MAML2: variants seen among roughly 807,000 people sequenced by gnomAD.
MAML2 encodes the protein mastermind-like protein 2.
In MAML2, 22 loss-of-function variants were observed where a neutral mutation model predicts 96.1. The ratio of observed to expected loss-of-function variants is 0.23; its 90% CI spans 0.16 to 0.33. The LOEUF (loss-of-function observed/expected upper bound fraction) is 0.33, where lower values mean the gene tolerates loss of function less well. Among genes scored for constraint, MAML2 ranks in the 10% least tolerant of loss-of-function variants. MAML2 has a pLI of 1.00. For missense variants in MAML2, 1,367 were observed against 1,392.4 expected (o/e 0.98, Z 0.29); for synonymous variants, 561 against 521.3 (o/e 1.08, Z -1.04).
At chr11:96,043,062 G>A (rs1858842203) in intron 2 of MAML2, among the ~76,000 whole-genome samples, 1 of 152,104 alleles carries the variant, frequency 6.6e-6, no homozygotes, top group Non-Finnish European at 1.5e-5. Context: ...ACATTCTCTT[G>A]TCTGGGTACC....
intron 1 of MAML2, among the ~76,000 whole-genome samples, chr11:96,178,437 CT>C (rs1340861998): frequency 2.0e-5 from 3 of 152,156 alleles, no homozygotes; most frequent in Non-Finnish European, 2.9e-5. Context: ...TATATTTGAT[CT>C]GAAGAGTTAA....
At chr11:96,168,591 G>A (rs895524150) in intron 1 of MAML2, among the ~76,000 whole-genome samples, 7 of 152,160 alleles carry the variant, frequency 4.6e-5, no homozygotes, top group Admixed American at 6.5e-5. Context: ...AGCCCCCTGT[G>A]GATGGAGGGT....
At chr11:96,260,021 TC>T (rs1427754583) in intron 1 of MAML2, among the ~76,000 whole-genome samples, 5 of 152,112 alleles carry the variant, frequency 3.3e-5, no homozygotes, top group Non-Finnish European at 4.4e-5. Context: ...GAGGAAAGGT[TC>T]CTGGACATCC....
chr11:96,193,572 C>A (rs933204224), intron 1 of MAML2, among the ~76,000 whole-genome samples: 10 of 152,088 alleles, frequency 6.6e-5, no homozygotes, highest in Admixed American at 2.6e-4. Flanking sequence ...AGTAATAAAA[C>A]AGTGAATTCT....
At chr11:96,061,842 C>T (rs1859165439) in intron 2 of MAML2, among the ~76,000 whole-genome samples, 1 of 150,266 alleles carries the variant, frequency 6.7e-6, no homozygotes, top group Admixed American at 6.6e-5. Flanking sequence ...GGGAAAGTAT[C>T]TTAAATTTAT....
chr11:96,288,560 A>G (rs1863169985), intron 1 of MAML2, among the ~76,000 whole-genome samples: 1 of 151,514 alleles, frequency 6.6e-6, no homozygotes, highest in Non-Finnish European at 1.5e-5. Flanking sequence ...AAAAAAAAAA[A>G]ACAACCAAAA....
intron 1 of MAML2, among the ~76,000 whole-genome samples, chr11:96,266,643 T>C (rs779674140): frequency 3.3e-5 from 5 of 152,250 alleles, no homozygotes; most frequent in African/African-American, 7.2e-5. Context: ...TGACTACCTC[T>C]CTAACTGATT....
chr11:96,240,936 G>A (rs566587092), intron 1 of MAML2, among the ~76,000 whole-genome samples: 77 of 152,060 alleles, frequency 5.1e-4, no homozygotes, highest in Non-Finnish European at 9.6e-4. Flanking sequence ...TCCCTGTAGG[G>A]TATGTAGGCA....
chr11:96,330,319 A>G (rs138733644), intron 1 of MAML2, among the ~76,000 whole-genome samples: 1 of 152,210 alleles, frequency 6.6e-6, no homozygotes, highest in Admixed American at 6.5e-5. Context: ...CCATGTACCA[A>G]ACAAAACTGT....
intron 1 of MAML2, among the ~76,000 whole-genome samples, chr11:96,300,671 T>C (rs1417238436): frequency 6.6e-6 from 1 of 152,152 alleles, no homozygotes; most frequent in Non-Finnish European, 1.5e-5. Context: ...TGGAAAGCAC[T>C]GGAAGAGAAA....
At chr11:96,126,668 G>T (rs1182042359) in intron 1 of MAML2, among the ~76,000 whole-genome samples, 1 of 152,208 alleles carries the variant, frequency 6.6e-6, no homozygotes, top group Non-Finnish European at 1.5e-5. Flanking sequence ...GCAGCACATT[G>T]TGCTTGAATT....
intron 2 of MAML2, among the ~76,000 whole-genome samples, chr11:95,995,218 T>G (rs1288275607): frequency 6.6e-6 from 1 of 152,038 alleles, no homozygotes; most frequent in Non-Finnish European, 1.5e-5. Flanking sequence ...AATGTAGAGG[T>G]CTCAGTTATA....
At chr11:96,252,034 T>C (rs980121608) in intron 1 of MAML2, among the ~76,000 whole-genome samples, 33 of 152,204 alleles carry the variant, frequency 2.2e-4, no homozygotes, top group African/African-American at 7.5e-4. Flanking sequence ...GCCCAGTCAA[T>C]ACAAACCCTT....
At chr11:96,295,205 T>C (rs1863274523) in intron 1 of MAML2, among the ~76,000 whole-genome samples, 1 of 152,140 alleles carries the variant, frequency 6.6e-6, no homozygotes, top group African/African-American at 2.4e-5. Context: ...ACTTTTGCAA[T>C]GGTCAGAGTT....
At chr11:96,210,378 G>A (rs1445513956) in intron 1 of MAML2, among the ~76,000 whole-genome samples, 1 of 152,064 alleles carries the variant, frequency 6.6e-6, no homozygotes, top group Non-Finnish European at 1.5e-5. Context: ...CAAAGTGCTG[G>A]GATTACAGGC....
At chr11:96,123,705 G>A (rs1017088799) in intron 1 of MAML2, among the ~76,000 whole-genome samples, 1 of 152,186 alleles carries the variant, frequency 6.6e-6, no homozygotes, top group Non-Finnish European at 1.5e-5. Flanking sequence ...ATAAATAAGA[G>A]ACTTCTGTAA....
chr11:96,018,486 A>T (rs1012725316), intron 2 of MAML2, among the ~76,000 whole-genome samples: 3 of 152,226 alleles, frequency 2.0e-5, no homozygotes, highest in Non-Finnish European at 4.4e-5. Flanking sequence ...TGGACACCCC[A>T]TCGTTTGGAA....
intron 1 of MAML2, among the ~76,000 whole-genome samples, chr11:96,294,389 T>A (rs1863257775): frequency 6.6e-6 from 1 of 151,906 alleles, no homozygotes; most frequent in African/African-American, 2.4e-5. Context: ...TAGTCGCCCA[T>A]AAAACCAAGA....
chr11:96,313,343 G>A (rs902539167), intron 1 of MAML2, among the ~76,000 whole-genome samples: 2 of 152,148 alleles, frequency 1.3e-5, no homozygotes, highest in African/African-American at 2.4e-5. Context: ...TGGGGTGGAC[G>A]CCAAGGTGCA....
Sources: allele counts gnomAD v4.1 joint callset (sites outside exome capture counted in the v4.1 genomes callset), GRCh38; gene constraint gnomAD v4.1.1; transcripts MANE v1.5; gene names NCBI Gene and HGNC (gene_info 2026-07-23, HGNC 2026-07-21).